The following KIF13A variants were observed in gnomAD, a reference collection of about 807,000 sequenced individuals.
KIF13A encodes the protein kinesin family member 13A.
In KIF13A, 79 loss-of-function variants were observed where a neutral mutation model predicts 212.2. That is an observed-to-expected ratio of 0.37 (90% CI 0.31 to 0.45). KIF13A has a LOEUF of 0.45. KIF13A is among the 20% of genes least tolerant of loss of function. The pLI is 1.00. For synonymous variants in KIF13A, 789 were observed against 808.6 expected, an observed-to-expected ratio of 0.98 and a Z score of 0.41; for missense variants, 1,901 against 2,209.0, an observed-to-expected ratio of 0.86 and a Z score of 2.79.
rs1218871807 is a variant in KIF13A at position 17,871,374 on chromosome 6, C to T, written c.220+2003G>A. 6.6e-6 allele frequency among the ~76,000 whole-genome samples: 1 copy of T among 151,954 alleles called. No individual in the cohort carries two copies. The highest frequency in any genetic ancestry group is 1.5e-5 in the Non-Finnish European group (1 of 68,004). On this transcript the variant is annotated intron_variant, in intron 4 of 38. Coordinates refer to ENST00000259711, the MANE Select transcript of KIF13A (RefSeq NM_022113.6). The surrounding 1 kb of genome is among the most constrained non-coding windows in gnomAD (Gnocchi z 4.4). Reference sequence around the variant, plus strand: ...TTCTCTTTAAAATCTGGTGCCTTTCCAGATTTTATCTCTCCTTGGATTTTA... The same window carrying T: ...TTCTCTTTAAAATCTGGTGCCTTTCTAGATTTTATCTCTCCTTGGATTTTA...
chr6:17,948,447 C>T (rs1376991638), intron 2 of KIF13A, among the ~76,000 whole-genome samples: 1 of 152,060 alleles, frequency 6.6e-6, no homozygotes, highest in Non-Finnish European at 1.5e-5. Context: ...AGTTAACTCA[C>T]TCTCTTAACA....
intron 3 of KIF13A, among the ~76,000 whole-genome samples, chr6:17,896,887 CTT>C (rs1772616273): frequency 6.6e-6 from 1 of 152,132 alleles, no homozygotes; most frequent in Non-Finnish European, 1.5e-5. Flanking sequence ...TCTTCTGAAA[CTT>C]TGGGGAACCA....
chr6:17,773,056 G>C lies in KIF13A; in HGVS notation c.4324+422C>G, dbSNP rs1486629487. Among the ~76,000 whole-genome samples the C allele has an allele frequency of 6.6e-6, 1 of 152,172 alleles. No individual in the cohort carries two copies. Among genetic ancestry groups the C allele is most frequent in the African/African-American group, 2.4e-5 (1 of 41,436 alleles). On this transcript the variant is annotated intron_variant, in intron 36 of 38. Coordinates refer to ENST00000259711, the MANE Select transcript of KIF13A (RefSeq NM_022113.6). This position sits in a 1 kb window ranked among gnomAD's most constrained non-coding sequence, Gnocchi z 4.2. ...ATAATTTAGGTAATAATGTCACCAT[G>C]AATCAAACTCATTTTGGGTATCGTT...
At position 17,773,463 on chromosome 6, in the gene KIF13A, T is replaced by C. The variant is rs1299864796; in HGVS notation, c.4324+15A>G. ...ATTACAAAGAAATATCACTGCAAAA[T>C]AATCTCACCACTACCTTCTTTATTC... On this transcript the variant is annotated intron_variant, in intron 36 of 38. Coordinates refer to ENST00000259711, the MANE Select transcript of KIF13A (RefSeq NM_022113.6). The surrounding 1 kb of genome is among the most constrained non-coding windows in gnomAD (Gnocchi z 4.2). 2 of 1,449,300 alleles carry C rather than the reference T, an allele frequency of 1.4e-6. No homozygotes were observed. Among genetic ancestry groups the C allele is most frequent in the African/African-American group, 2.8e-5 (2 of 71,614 alleles). The allele number at this position is 1,449,300 out of a possible 1,614,324, so 89.8% of individuals were successfully genotyped here. A position where few individuals can be genotyped will look rare whatever the true frequency, so the allele number is the denominator to read the frequency against.
chr6:17,759,829 C>T, downstream of KIF13A: 1 of 152,358 alleles, frequency 6.6e-6, no homozygotes, highest in Non-Finnish European at 1.5e-5. Context: ...AAAACAAAAC[C>T]ACACACACAG....
intron 20 of KIF13A, among the ~76,000 whole-genome samples, chr6:17,802,356 A>G (rs1247376887): frequency 6.7e-6 from 1 of 149,654 alleles, no homozygotes; most frequent in Non-Finnish European, 1.5e-5. Context: ...CAATGGCGCG[A>G]TCTCGGCTCA....
rs1387967628 is a variant in KIF13A at position 17,834,294 on chromosome 6, A to G, written c.1156-223T>C. On this transcript the variant is annotated intron_variant, in intron 11 of 38. Transcript: ENST00000259711. The surrounding 1 kb of genome is among the most constrained non-coding windows in gnomAD (Gnocchi z 4.0). Reference sequence around the variant, plus strand: ...CCAGTGTCCTGAATGAAAATGAAACAAATCATTAGTCATTTTATCCATTAT... The same window carrying G: ...CCAGTGTCCTGAATGAAAATGAAACGAATCATTAGTCATTTTATCCATTAT... 6.6e-6 allele frequency among the ~76,000 whole-genome samples: 1 copy of G among 152,248 alleles called. No homozygotes were observed. Among genetic ancestry groups the G allele is most frequent in the Non-Finnish European group, 1.5e-5 (1 of 68,050 alleles).
intron 4 of KIF13A, among the ~76,000 whole-genome samples, chr6:17,866,669 C>T (rs1247102293): frequency 6.6e-6 from 1 of 151,628 alleles, no homozygotes; most frequent in Admixed American, 6.6e-5. Flanking sequence ...CTATCTATTG[C>T]TATTGTTATT....
Position 17,849,286 on chromosome 6 carries a change from AC to A in KIF13A, c.830+90del. The stretch of plus-strand genomic sequence containing the variant: ...ACTAAAGCTATACAGACTTTAAACA[AC>A]CTGTACATCAGAACCATCTGACCCT... On this transcript the variant is annotated intron_variant, in intron 9 of 38. Coordinates refer to ENST00000259711, the MANE Select transcript of KIF13A (RefSeq NM_022113.6). This position sits in a 1 kb window ranked among gnomAD's most constrained non-coding sequence, Gnocchi z 5.7. 1 of 827,666 alleles carries A rather than the reference AC, an allele frequency of 1.2e-6. No individual in the cohort carries two copies. 51.3% of individuals were successfully genotyped at this position (827,666 alleles called of 1,614,324 possible).
At chr6:17,880,627 CAAA>C (rs34817140) in intron 3 of KIF13A, among the ~76,000 whole-genome samples, 4 of 69,310 alleles carry the variant, frequency 5.8e-5, no homozygotes, top group Non-Finnish European at 5.4e-5. Context: ...GACTCTGTCT[CAAA>C]AAAAAAAAAA....
chr6:17,879,003 T>C (rs967402222), intron 3 of KIF13A, among the ~76,000 whole-genome samples: 1 of 152,220 alleles, frequency 6.6e-6, no homozygotes, highest in South Asian at 2.1e-4. Context: ...TATAGGTTGT[T>C]ATTTTATTAA....
chr6:17,940,817 ATTTTTTTTTTTT>A (rs11325656), intron 2 of KIF13A, among the ~76,000 whole-genome samples: 1 of 140,512 alleles, frequency 7.1e-6, no homozygotes, highest in African/African-American at 2.7e-5. Flanking sequence ...ATGTAAATTT[ATTTTTTTTTTTT>A]TTTTTTTTTT....
chr6:17,766,975 T>G (rs1055278320), intron 38 of KIF13A, among the ~76,000 whole-genome samples: 1 of 152,238 alleles, frequency 6.6e-6, no homozygotes, highest in Non-Finnish European at 1.5e-5. Context: ...AAGGAATTGG[T>G]GATCCTAATT....
chr6:17,943,976 A>G (rs889119261), intron 2 of KIF13A, among the ~76,000 whole-genome samples: 3 of 152,226 alleles, frequency 2.0e-5, no homozygotes, highest in African/African-American at 7.2e-5. Flanking sequence ...TACCCAACAC[A>G]AAGCAGAAAA....
chr6:17,833,702 A>G (rs1198959101), intron 12 of KIF13A, among the ~76,000 whole-genome samples: 1 of 151,446 alleles, frequency 6.6e-6, no homozygotes, highest in Non-Finnish European at 1.5e-5. Flanking sequence ...CTAAAAATAT[A>G]AAAATTAGCC....
intron 2 of KIF13A, among the ~76,000 whole-genome samples, chr6:17,956,511 A>G (rs1404987907): frequency 6.6e-6 from 1 of 152,248 alleles, no homozygotes; most frequent in Admixed American, 6.5e-5. Flanking sequence ...CTATCTAGGT[A>G]GGGAGGCAAG....
chr6:17,936,978 G>C (rs1776525024), intron 2 of KIF13A, among the ~76,000 whole-genome samples: 1 of 152,196 alleles, frequency 6.6e-6, no homozygotes, highest in Non-Finnish European at 1.5e-5. Context: ...AGAAGGTCCA[G>C]ACTAGCCTGG....
chr6:17,810,637 C>T (rs1000493000), intron 17 of KIF13A, among the ~76,000 whole-genome samples: 42 of 152,162 alleles, frequency 2.8e-4, no homozygotes, highest in African/African-American at 1.0e-3. Context: ...TGATACAGCT[C>T]ACCATAATGT....
At chr6:17,977,878 G>A (rs1321777076) in intron 2 of KIF13A, among the ~76,000 whole-genome samples, 1 of 152,134 alleles carries the variant, frequency 6.6e-6, no homozygotes, top group Non-Finnish European at 1.5e-5. Context: ...AGCTTGGTAG[G>A]ACAATGATTC....
Sources: gnomAD v4.1 joint callset for allele counts (sites outside exome capture counted in the v4.1 genomes callset) on GRCh38, gnomAD v4.1.1 for gene constraint, Gnocchi (gnomAD v3.1) non-coding constraint, MANE v1.5 for transcripts, NCBI Gene and HGNC (gene_info 2026-07-23, HGNC 2026-07-21) for gene names.